The following COLEC12 variants were observed in gnomAD, a reference collection of about 807,000 sequenced individuals.
COLEC12 encodes the protein collectin subfamily member 12.
A neutral mutation model predicts 71.1 loss-of-function variants in COLEC12; 33 were observed. That is an observed-to-expected ratio of 0.46 (90% CI 0.35 to 0.62). The LOEUF (loss-of-function observed/expected upper bound fraction) is 0.62, where lower values mean the gene tolerates loss of function less well. COLEC12 is among the 20% of genes least tolerant of loss of function. COLEC12 has a pLI of 0.00. For missense variants in COLEC12, 765 were observed against 916.1 expected, an observed-to-expected ratio of 0.84 and a Z score of 2.13; for synonymous variants, 350 against 353.0, an observed-to-expected ratio of 0.99 and a Z score of 0.10.
At chr18:338,725 TGAA>T (rs1346796337) in intron 5 of COLEC12, among the ~76,000 whole-genome samples, 6 of 152,196 alleles carry the variant, frequency 3.9e-5, no homozygotes, top group South Asian at 2.1e-4. Context: ...TGAATAGTGG[TGAA>T]GGTGTCACGT....
At chr18:389,855 C>T (rs903533842) in intron 2 of COLEC12, among the ~76,000 whole-genome samples, 1 of 152,140 alleles carries the variant, frequency 6.6e-6, no homozygotes, top group African/African-American at 2.4e-5. Context: ...TCTCTGAGCC[C>T]AACCAACAAA....
intron 5 of COLEC12, among the ~76,000 whole-genome samples, chr18:344,927 C>T (rs954670208): frequency 6.6e-6 from 1 of 152,256 alleles, no homozygotes; most frequent in African/African-American, 2.4e-5. Context: ...TAGTCACTGA[C>T]AAAGCTATTG....
intron 1 of COLEC12, among the ~76,000 whole-genome samples, chr18:487,580 A>C (rs975757597): frequency 2.6e-5 from 4 of 152,206 alleles, no homozygotes; most frequent in African/African-American, 7.2e-5. Flanking sequence ...CATTAAAACA[A>C]AAGTTCTCTT....
chr18:354,288 C>T (rs936206609), intron 3 of COLEC12, among the ~76,000 whole-genome samples: 8 of 152,222 alleles, frequency 5.3e-5, no homozygotes, highest in African/African-American at 1.9e-4. Flanking sequence ...GACCACTGCA[C>T]AGACCCTGTC....
Position 500,452 on chromosome 18 carries a change from G to A in COLEC12, c.7+56C>T. 8.6e-7 allele frequency: 1 copy of A among 1,166,166 alleles called. No individual in the cohort carries two copies. Among genetic ancestry groups the A allele is most frequent in the South Asian group, 4.1e-5 (1 of 24,658 alleles). The allele number at this position is 1,166,166 out of a possible 1,614,324, so 72.2% of individuals were successfully genotyped here. A position where few individuals can be genotyped will look rare whatever the true frequency, so the allele number is the denominator to read the frequency against. On this transcript the variant is annotated intron_variant, in intron 1 of 9. Transcript: ENST00000400256. The surrounding 1 kb of genome is among the most constrained non-coding windows in gnomAD (Gnocchi z 5.3). ...GGGAGGCACCTCCGTGGCCTCCCGC[G>A]CGCCCCGAAGCCCGTTCCCCCCGCC... is the stretch of plus-strand genomic sequence containing the variant.
chr18:331,885 T>C (rs1166437732), intron 7 of COLEC12, 108 bp from the exon 8 acceptor site: 1 of 703,012 alleles, frequency 1.4e-6, no homozygotes, highest in Non-Finnish European at 2.5e-6. Flanking sequence ...AAGAGGATGG[T>C]TGTCAGAATG....
At chr18:481,859 C>T (rs922930963) in intron 1 of COLEC12, among the ~76,000 whole-genome samples, 2 of 152,180 alleles carry the variant, frequency 1.3e-5, no homozygotes, top group East Asian at 3.8e-4. Flanking sequence ...GAAGGGCAAG[C>T]ACTGTGCAGA....
intron 2 of COLEC12, among the ~76,000 whole-genome samples, chr18:431,151 C>T (rs1916294579): frequency 6.6e-6 from 1 of 151,824 alleles, no homozygotes; most frequent in Admixed American, 6.6e-5. Context: ...TAAGTGCCAC[C>T]ACACTCAGCT....
chr18:334,275 G>T (rs1798960420), intron 6 of COLEC12: 1 of 152,276 alleles, frequency 6.6e-6, no homozygotes, highest in Admixed American at 6.5e-5. Context: ...TGGTATGGAG[G>T]CCTGTTCTGG....
In COLEC12 at chr18:334,827, CT is replaced by C; in HGVS notation, c.1730del (p.Lys577ArgfsTer69). The C allele has an allele frequency of 6.6e-7, 1 of 1,521,692 alleles. No homozygotes were observed. 94.3% of individuals were successfully genotyped at this position (1,521,692 alleles called of 1,614,324 possible). On this transcript the variant is annotated frameshift_variant, in exon 6 of 10. Transcript: ENST00000400256. LOFTEE classifies it high-confidence loss of function. The part of the protein sequence containing the change: ...LPGVPGMPGP[K>X]GPPGPPGPSG... ...ATGGGCCAGGAGGGCCGGGGGGGCC[CT>C]TGGGGCCTGGCATGCCTGGTACCCC... is the stretch of plus-strand genomic sequence containing the variant.
rs539888396 is a variant in COLEC12, at chr18:406,503, G to A, written c.59-48981C>T. On this transcript the variant is annotated intron_variant, in intron 2 of 9. Coordinates refer to ENST00000400256, the MANE Select transcript of COLEC12 (RefSeq NM_130386.3). ...CGCAGTCCGGCCTGGACGACAGAGCGAGACTCCGTCTCAAAAAAAAAAAAA... is the reference window on the plus strand; with the variant it reads ...CGCAGTCCGGCCTGGACGACAGAGCAAGACTCCGTCTCAAAAAAAAAAAAA... Among the ~76,000 whole-genome samples, 13 of 98,588 alleles carry A rather than the reference G, an allele frequency of 1.3e-4. No homozygotes were observed. The South Asian group carries it at 3.2e-3, about 24-fold the overall frequency. 64.7% of individuals were successfully genotyped at this position (98,588 alleles called of 152,430 possible). A position where few individuals can be genotyped will look rare whatever the true frequency, so the allele number is the denominator to read the frequency against.
intron 2 of COLEC12, among the ~76,000 whole-genome samples, chr18:370,981 G>T (rs1022206397): frequency 2.6e-5 from 4 of 152,186 alleles, no homozygotes; most frequent in African/African-American, 9.7e-5. Context: ...GAAAATGTTC[G>T]TTCCTAAATG....
intron 3 of COLEC12, among the ~76,000 whole-genome samples, chr18:351,675 C>A (rs1914524894): frequency 6.6e-6 from 1 of 152,200 alleles, no homozygotes; most frequent in Admixed American, 6.5e-5. Flanking sequence ...TCAAGTGATT[C>A]TCCTGCTTCA....
chr18:456,330 C>T (rs16944807), intron 2 of COLEC12, among the ~76,000 whole-genome samples: 12,913 of 152,202 alleles, frequency 0.085, 601 homozygotes, highest in African/African-American at 0.1. Flanking sequence ...AAAACACAAA[C>T]CCCTCGCTGG....
intron 1 of COLEC12, among the ~76,000 whole-genome samples, chr18:494,971 T>C (rs564098114): frequency 6.6e-6 from 1 of 152,350 alleles, no homozygotes; most frequent in Admixed American, 6.5e-5. Flanking sequence ...AAAATGCATT[T>C]CTTTTCTATT....
intron 2 of COLEC12, among the ~76,000 whole-genome samples, chr18:389,986 A>C (rs1915428126): frequency 6.6e-6 from 1 of 152,210 alleles, no homozygotes; most frequent in Admixed American, 6.5e-5. Context: ...CTTTTGTTCT[A>C]ATTTTTGTTC....
At position 500,633 on chromosome 18, in the gene COLEC12, G is replaced by T; in HGVS notation, c.-119C>A. The T allele has an allele frequency of 1.2e-6, 1 of 827,288 alleles. No homozygotes were observed. The highest frequency in any genetic ancestry group is 1.6e-6 in the Non-Finnish European group (1 of 641,866). 51.2% of individuals were successfully genotyped at this position (827,288 alleles called of 1,614,324 possible). ...ATGGTAGCCGCGCCGCGCGCCGGCC[G>T]TCTGCGCCCCCGTCCTCCCTCGCCG... On this transcript the variant is annotated 5_prime_UTR_variant, in exon 1 of 10. Coordinates refer to ENST00000400256, the MANE Select transcript of COLEC12 (RefSeq NM_130386.3). The surrounding 1 kb of genome is among the most constrained non-coding windows in gnomAD (Gnocchi z 5.3).
intron 2 of COLEC12, among the ~76,000 whole-genome samples, chr18:445,760 G>A (rs918155057): frequency 2.0e-5 from 3 of 151,712 alleles, no homozygotes; most frequent in Non-Finnish European, 2.9e-5. Flanking sequence ...AGCTTCCTGA[G>A]TAGCTGGGAT....
intron 2 of COLEC12, among the ~76,000 whole-genome samples, chr18:393,635 T>G (rs1915509762): frequency 6.6e-6 from 1 of 152,236 alleles, no homozygotes; most frequent in Non-Finnish European, 1.5e-5. Context: ...GAATACCCTT[T>G]GCCTGTCTTT....
Sources: gnomAD v4.1 joint callset for allele counts (sites outside exome capture counted in the v4.1 genomes callset) on GRCh38, gnomAD v4.1.1 for gene constraint, Gnocchi (gnomAD v3.1) non-coding constraint, MANE v1.5 for transcripts, NCBI Gene and HGNC (gene_info 2026-07-23, HGNC 2026-07-21) for gene names.